Variants in GLIS3 observed in about 807,000 individuals in gnomAD.
GLIS3 encodes the protein zinc finger protein GLIS3.
GLIS3 carries 53 observed loss-of-function variants against 78.6 expected under a neutral mutation model. The observed-to-expected ratio is 0.67, with a 90% confidence interval of 0.54 to 0.85. The LOEUF (loss-of-function observed/expected upper bound fraction) is 0.85, where lower values mean the gene tolerates loss of function less well. GLIS3 is among the 40% of genes least tolerant of loss of function. GLIS3 has a pLI of 0.00. For synonymous variants in GLIS3, 684 were observed against 509.9 expected, an observed-to-expected ratio of 1.34 and a Z score of -4.60; for missense variants, 1,703 against 1,231.1, an observed-to-expected ratio of 1.38 and a Z score of -5.74.
upstream of GLIS3, among the ~76,000 whole-genome samples, chr9:4,300,482 G>T (rs772736277): frequency 1.6e-4 from 24 of 152,074 alleles, no homozygotes; most frequent in Non-Finnish European, 2.2e-4. Flanking sequence ...TTGAAATATC[G>T]GATCGGATGC....
the GLIS3 span, among the ~76,000 whole-genome samples, chr9:4,408,631 G>T: frequency 6.9e-6 from 1 of 144,994 alleles, no homozygotes; most frequent in Non-Finnish European, 1.5e-5. Flanking sequence ...GGAGGCTGAG[G>T]CAGGAGAATG....
At chr9:4,163,636 A>T (rs974798109) in intron 2 of GLIS3, among the ~76,000 whole-genome samples, 6 of 152,196 alleles carry the variant, frequency 3.9e-5, no homozygotes, top group African/African-American at 1.4e-4. Context: ...TTCTAGGCCC[A>T]TTGCTTATAT....
intron 2 of GLIS3, among the ~76,000 whole-genome samples, chr9:4,323,434 C>G (rs976683557): frequency 6.6e-6 from 1 of 152,132 alleles, no homozygotes; most frequent in Non-Finnish European, 1.5e-5. Context: ...GTTATGTTGT[C>G]TGTATTCGTC....
chr9:4,326,818 C>T (rs1408855798), intron 2 of GLIS3, among the ~76,000 whole-genome samples: 6 of 152,032 alleles, frequency 3.9e-5, no homozygotes, highest in Admixed American at 3.9e-4. Context: ...AGGTTTGGGG[C>T]TGGGTTTGGA....
At chr9:3,851,849 A>G (rs1383625280) in intron 9 of GLIS3, among the ~76,000 whole-genome samples, 2 of 152,220 alleles carry the variant, frequency 1.3e-5, no homozygotes, top group Non-Finnish European at 2.9e-5. Context: ...TTTGATTAAG[A>G]ATATGGCTTG....
intron 4 of GLIS3, among the ~76,000 whole-genome samples, chr9:4,057,842 G>A (rs1292898389): frequency 6.6e-6 from 1 of 152,036 alleles, no homozygotes; most frequent in Admixed American, 6.6e-5. Context: ...CAGAAAAGAG[G>A]TCTTGATGAT....
chr9:3,899,532 AAAC>A (rs1823129585), intron 6 of GLIS3, among the ~76,000 whole-genome samples: 1 of 152,184 alleles, frequency 6.6e-6, no homozygotes, highest in South Asian at 2.1e-4. Context: ...TGGAAAAAAA[AAAC>A]AATGTAAGAT....
intron 4 of GLIS3, among the ~76,000 whole-genome samples, chr9:3,960,820 T>G (rs114128564): frequency 1.0e-3 from 155 of 152,340 alleles, no homozygotes; most frequent in African/African-American, 3.5e-3. Flanking sequence ...GTTTTTCATA[T>G]GAACATAGTT....
At chr9:4,104,015 C>G (rs1229446076) in intron 4 of GLIS3, among the ~76,000 whole-genome samples, 1 of 152,176 alleles carries the variant, frequency 6.6e-6, no homozygotes. Flanking sequence ...TTCCACCAAC[C>G]TGTCCCTCAA....
Position 4,279,364 on chromosome 9 carries a change from T to A in GLIS3, c.388+6674A>T, listed in dbSNP as rs9886815. Among the ~76,000 whole-genome samples, 101 of 63,702 alleles carry A rather than the reference T, an allele frequency of 1.6e-3. 4 individuals are homozygous for A. The highest frequency in any genetic ancestry group is 8.1e-3 in the Middle Eastern group (1 of 124). 41.8% of individuals were successfully genotyped at this position (63,702 alleles called of 152,430 possible). On this transcript the variant is annotated intron_variant, in intron 2 of 10. Transcript: ENST00000381971. ...ACACACACACACACACACACACACA[T>A]AATACATATTATATATATTTTATAT...
At position 3,825,525 on chromosome 9, in the gene GLIS3, C is replaced by T. The variant is rs1197223431; in HGVS notation, c.*2747G>A. The stretch of plus-strand genomic sequence containing the variant: ...TTGTTTCTGTTTTTAAGGGGAATGA[C>T]AATCTCTGTTTGGACATTTATGAAA... On this transcript the variant is annotated 3_prime_UTR_variant, in exon 11 of 11. Coordinates refer to ENST00000381971, the MANE Select transcript of GLIS3 (RefSeq NM_001042413.2). 1 of 151,916 alleles carries T rather than the reference C, an allele frequency of 6.6e-6. No individual in the cohort carries two copies. Among genetic ancestry groups the T allele is most frequent in the East Asian group, 1.9e-4 (1 of 5,184 alleles). The allele number at this position is 151,916 out of a possible 1,614,324, so 9.4% of individuals were successfully genotyped here.
chr9:4,350,760 C>T (rs10974487), upstream of GLIS3, among the ~76,000 whole-genome samples: 2 of 146,806 alleles, frequency 1.4e-5, no homozygotes, highest in East Asian at 4.2e-4. Flanking sequence ...TCTCTTCTAC[C>T]CAAAATGCCT....
intron 3 of GLIS3, among the ~76,000 whole-genome samples, chr9:4,120,722 C>G (rs1832111899): frequency 6.6e-6 from 1 of 152,214 alleles, no homozygotes; most frequent in African/African-American, 2.4e-5. Context: ...AGAACCAGAG[C>G]TTTGGCAGAG....
At chr9:4,132,560 T>C (rs916495684) in intron 2 of GLIS3, among the ~76,000 whole-genome samples, 15 of 151,992 alleles carry the variant, frequency 9.9e-5, no homozygotes, top group African/African-American at 3.6e-4. Context: ...AATAACGTTA[T>C]TGTTCGTTAT....
At chr9:4,127,596 A>G (rs1405452795) in intron 2 of GLIS3, among the ~76,000 whole-genome samples, 3 of 152,134 alleles carry the variant, frequency 2.0e-5, no homozygotes, top group Non-Finnish European at 2.9e-5. Flanking sequence ...AAAAATCTCA[A>G]TAAGCTACAT....
chr9:4,401,571 C>CTTTTCTTTTTTT, the GLIS3 span, among the ~76,000 whole-genome samples: 20 of 120,670 alleles, frequency 1.7e-4, no homozygotes, highest in African/African-American at 5.8e-4. Context: ...TCCTTTCTTT[C>CTTTTCTTTTTTT]TTTTTTTTTT....
chr9:4,264,352 C>T (rs183857338), intron 2 of GLIS3, among the ~76,000 whole-genome samples: 10 of 152,328 alleles, frequency 6.6e-5, no homozygotes, highest in Admixed American at 6.5e-4. Flanking sequence ...CTCCCCAGGG[C>T]TACTACAATA....
rs1831922634 is a variant in GLIS3 at position 4,118,600 on chromosome 9, G to T, written c.878C>A (p.Ser293Tyr). ...YPSPRHSSTR[S>Y]HSARSKKRAL... ...TCTCTTCTTGGAGCGGGCCGAGTGG[G>T]ACCTGGTGGATGAGTGCCGAGGACT... The change falls in exon 4 of 11, where the codon TCC becomes TAC. Residue 293 changes from serine to tyrosine, a missense_variant. Ser to Tyr is a moderately radical substitution (Grantham distance 144, BLOSUM62 -2). Coordinates refer to ENST00000381971, the MANE Select transcript of GLIS3 (RefSeq NM_001042413.2). This position sits in a 1 kb window ranked among gnomAD's most constrained non-coding sequence, Gnocchi z 4.7. 6.2e-7 allele frequency: 1 copy of T among 1,614,214 alleles called. No individual in the cohort carries two copies.
chr9:4,297,949 C>CCGGAGGCGGAGG (rs147410026), intron 1 of GLIS3, among the ~76,000 whole-genome samples: 3 of 151,658 alleles, frequency 2.0e-5, no homozygotes, highest in Admixed American at 6.6e-5. Flanking sequence ...AGGGGCGGGT[C>CCGGAGGCGGAGG]CGGAGGCGGA....
Sources: gnomAD v4.1 joint callset for allele counts (sites outside exome capture counted in the v4.1 genomes callset) on GRCh38, gnomAD v4.1.1 for gene constraint, Gnocchi (gnomAD v3.1) non-coding constraint, MANE v1.5 for transcripts, NCBI Gene and HGNC (gene_info 2026-07-23, HGNC 2026-07-21) for gene names.